CLDN18: variants seen among roughly 807,000 people sequenced by gnomAD.
CLDN18 encodes the protein claudin 18, also known as claudin-18.
Under a neutral mutation model 25.0 loss-of-function variants are expected in CLDN18, and 20 were observed. That is an observed-to-expected ratio of 0.80 (90% CI 0.56 to 1.16). CLDN18 has a LOEUF of 1.16. CLDN18 is among the 50% of genes most tolerant of loss of function. The probability of loss-of-function intolerance (pLI) is 0.00; values close to 1 mark genes in which losing one functional copy is unlikely to be tolerated. For synonymous variants in CLDN18, 125 were observed against 135.6 expected (o/e 0.92, Z 0.54); for missense variants, 297 against 345.4 (o/e 0.86, Z 1.11).
In CLDN18 at chr3:138,031,293, A is replaced by T. The variant is rs1270519719; in HGVS notation, c.*152A>T. On this transcript the variant is annotated 3_prime_UTR_variant, in exon 5 of 5. Coordinates refer to ENST00000183605, the MANE Select transcript of CLDN18 (RefSeq NM_016369.4). ...ATCTTTGGAGAGGCCAAATGGTCTTAGCCTCAGTCTCTGTCTCTAAATATT... is the reference window on the plus strand; with the variant it reads ...ATCTTTGGAGAGGCCAAATGGTCTTTGCCTCAGTCTCTGTCTCTAAATATT... 2.0e-5 allele frequency: 11 copies of T among 552,204 alleles called. No homozygotes were observed. The highest frequency in any genetic ancestry group is 3.4e-5 in the Non-Finnish European group (11 of 328,242). The allele number at this position is 552,204 out of a possible 1,614,324, so 34.2% of individuals were successfully genotyped here. A position where few individuals can be genotyped will look rare whatever the true frequency, so the allele number is the denominator to read the frequency against.
chr3:138,026,522 G>A (rs543510810), intron 3 of CLDN18, among the ~76,000 whole-genome samples: 1 of 152,176 alleles, frequency 6.6e-6, no homozygotes, highest in East Asian at 1.9e-4. Context: ...GCAGGCGCCT[G>A]TAGTCCCAGC....
chr3:138,010,221 G>A lies in CLDN18; in HGVS notation c.-5G>A. On this transcript the variant is annotated 5_prime_UTR_variant, in exon 1 of 5. Transcript: ENST00000183605. The stretch of plus-strand genomic sequence containing the variant: ...TCGCAGGCGGCAGGGCGGGCGGCCA[G>A]GATCATGTCCACCACCACATGCCAA... The A allele has an allele frequency of 1.9e-6, 3 of 1,611,848 alleles. No individual in the cohort carries two copies. Among genetic ancestry groups the A allele is most frequent in the Non-Finnish European group, 2.5e-6 (3 of 1,178,912 alleles).
At chr3:138,025,287 G>T (rs1479633461) in intron 3 of CLDN18, among the ~76,000 whole-genome samples, 3 of 152,204 alleles carry the variant, frequency 2.0e-5, no homozygotes, top group Non-Finnish European at 4.4e-5. Context: ...GTACAGTCTG[G>T]CAGAGGGAGA....
intron 2 of CLDN18, among the ~76,000 whole-genome samples, chr3:138,024,223 G>C (rs1341158106): frequency 2.6e-5 from 4 of 151,842 alleles, no homozygotes; most frequent in Non-Finnish European, 5.9e-5. Flanking sequence ...AAAAAAAGAG[G>C]TTCTCAACCC....
chr3:138,011,261 G>A (rs919651095), intron 1 of CLDN18, among the ~76,000 whole-genome samples: 7 of 152,284 alleles, frequency 4.6e-5, no homozygotes, highest in Non-Finnish European at 1.0e-4. Flanking sequence ...CAAGATGTGA[G>A]TGTGATGGAG....
At chr3:138,027,632 T>C (rs1942341367) in intron 3 of CLDN18, among the ~76,000 whole-genome samples, 1 of 152,166 alleles carries the variant, frequency 6.6e-6, no homozygotes, top group Non-Finnish European at 1.5e-5. Context: ...TTAAACAAGA[T>C]AGTGGTAAAA....
At chr3:138,009,923 G>C, upstream of CLDN18, 1 of 369,596 alleles carries the variant, frequency 2.7e-6, no homozygotes, top group Non-Finnish European at 5.0e-6. Flanking sequence ...GAGCTGGAGG[G>C]AGGCCGGTCT....
intron 2 of CLDN18, 149 bp downstream of exon 2, chr3:138,023,971 ATC>A: frequency 1.3e-6 from 1 of 793,774 alleles, no homozygotes; most frequent in Admixed American, 2.8e-5. Context: ...CCAATTGTGT[ATC>A]ATGAGTACTA....
At chr3:138,004,769 A>T (rs1176161680) in intron 1 of CLDN18, 3 of 150,976 alleles carry the variant, frequency 2.0e-5, no homozygotes, top group Non-Finnish European at 4.4e-5. Flanking sequence ...GATTAATTAA[A>T]TATTTAAAAA....
At chr3:138,017,669 A>G (rs1264417342) in intron 1 of CLDN18, among the ~76,000 whole-genome samples, 7 of 152,256 alleles carry the variant, frequency 4.6e-5, no homozygotes, top group Admixed American at 2.0e-4. Context: ...AGAGGAAACC[A>G]GCCCTAGAAG....
At chr3:138,020,711 T>C (rs909287991) in intron 1 of CLDN18, among the ~76,000 whole-genome samples, 6 of 152,206 alleles carry the variant, frequency 3.9e-5, no homozygotes, top group African/African-American at 1.4e-4. Flanking sequence ...GTTACATTTA[T>C]AAATAATCTA....
chr3:138,032,085 A>G lies in CLDN18; in HGVS notation c.*944A>G, dbSNP rs1182239578. ...CTAATTCTTTCCCTTTGAGGTCTCT[A>G]TGGCTCTGATTGTACATGATAGTAA... is the stretch of plus-strand genomic sequence containing the variant. On this transcript the variant is annotated 3_prime_UTR_variant, in exon 5 of 5. Transcript: ENST00000183605. 1.3e-5 allele frequency: 2 copies of G among 152,178 alleles called. No homozygotes were observed. Among genetic ancestry groups the G allele is most frequent in the South Asian group, 2.1e-4 (1 of 4,826 alleles). 9.4% of individuals were successfully genotyped at this position (152,178 alleles called of 1,614,324 possible).
At chr3:138,001,087 TACAA>T (rs1942010805) in intron 1 of CLDN18, among the ~76,000 whole-genome samples, 1 of 152,264 alleles carries the variant, frequency 6.6e-6, no homozygotes, top group Non-Finnish European at 1.5e-5. Flanking sequence ...AGTTTGGTAC[TACAA>T]TTATCATTTT....
At chr3:138,016,767 T>G (rs556936726) in intron 1 of CLDN18, among the ~76,000 whole-genome samples, 195 of 152,262 alleles carry the variant, frequency 1.3e-3, no homozygotes, top group African/African-American at 4.4e-3. Context: ...TATATGAAAG[T>G]GCTGGGCCGG....
intron 1 of CLDN18, among the ~76,000 whole-genome samples, chr3:137,999,557 C>T (rs868223274): frequency 2.0e-5 from 3 of 152,226 alleles, no homozygotes; most frequent in Admixed American, 1.3e-4. Context: ...CAATAGAAAT[C>T]GGGCAGAGGA....
At position 138,031,022 on chromosome 3, in the gene CLDN18, G is replaced by A. The variant is rs757669567; in HGVS notation, c.667G>A (p.Gly223Arg). 1 of 1,614,100 alleles carries A rather than the reference G, an allele frequency of 6.2e-7. No individual in the cohort carries two copies. The highest frequency in any genetic ancestry group is 1.3e-5 in the African/African-American group (1 of 75,054). ...ASGHSVAYKP[G>R]GFKASTGFGS... ...AGGCCACAGTGTTGCCTACAAGCCT[G>A]GAGGCTTCAAGGCCAGCACTGGCTT... Residue 223 changes from glycine (G) to arginine (R), a missense_variant, in exon 5 of 5, where the codon GGA becomes AGA. By Grantham distance (125) the Gly-to-Arg change is moderately radical. Coordinates refer to ENST00000183605, the MANE Select transcript of CLDN18 (RefSeq NM_016369.4).
At chr3:138,012,127 G>A (rs1344773841) in intron 1 of CLDN18, among the ~76,000 whole-genome samples, 1 of 152,040 alleles carries the variant, frequency 6.6e-6, no homozygotes, top group Non-Finnish European at 1.5e-5. Flanking sequence ...TCCTTCCTGG[G>A]GAAATCTGTT....
chr3:138,009,841 C>T (rs1446501470), upstream of CLDN18, among the ~76,000 whole-genome samples: 1 of 152,204 alleles, frequency 6.6e-6, no homozygotes, highest in Admixed American at 6.5e-5. Context: ...CCAAAGTGGT[C>T]TGCAGTCACG....
At chr3:138,001,662 T>G (rs1198995870) in intron 1 of CLDN18, among the ~76,000 whole-genome samples, 1 of 152,130 alleles carries the variant, frequency 6.6e-6, no homozygotes, top group Non-Finnish European at 1.5e-5. Context: ...TGTGCGCATG[T>G]GTGTGTGTAA....
Sources: gnomAD v4.1 joint callset for allele counts (sites outside exome capture counted in the v4.1 genomes callset) on GRCh38, gnomAD v4.1.1 for gene constraint, MANE v1.5 for transcripts, NCBI Gene and HGNC (gene_info 2026-07-23, HGNC 2026-07-21) for gene names.